The following KCNAB1 variants were observed in gnomAD, a reference collection of about 807,000 sequenced individuals.
The protein encoded by KCNAB1 is voltage-gated potassium channel subunit beta-1.
KCNAB1 carries 35 observed loss-of-function variants against 64.6 expected under a neutral mutation model. The ratio of observed to expected loss-of-function variants is 0.54; its 90% CI spans 0.41 to 0.72. The LOEUF (loss-of-function observed/expected upper bound fraction) is 0.72. KCNAB1 is among the 30% of genes least tolerant of loss of function. KCNAB1 has a pLI of 0.00. For missense variants in KCNAB1, 401 were observed against 512.9 expected (o/e 0.78, Z 2.11); for synonymous variants, 177 against 183.8 (o/e 0.96, Z 0.30).
intron 7 of KCNAB1, among the ~76,000 whole-genome samples, chr3:156,466,846 A>AT (rs952930744): frequency 5.3e-5 from 8 of 152,032 alleles, no homozygotes; most frequent in Non-Finnish European, 1.0e-4. Context: ...AGTAATTTTT[A>AT]TTTCTTGCTT....
intron 8 of KCNAB1, among the ~76,000 whole-genome samples, chr3:156,492,887 C>T (rs896627084): frequency 3.9e-5 from 6 of 152,176 alleles, no homozygotes; most frequent in Admixed American, 6.5e-5. Flanking sequence ...TGCACAGCTA[C>T]GTAAGTTGGA....
chr3:156,367,171 C>CTTT (rs9331286), intron 1 of KCNAB1, among the ~76,000 whole-genome samples: 6 of 118,416 alleles, frequency 5.1e-5, no homozygotes, highest in Non-Finnish European at 5.0e-5. Context: ...AGTAATCTAC[C>CTTT]TTTTTTTTTT....
intron 1 of KCNAB1, among the ~76,000 whole-genome samples, chr3:156,351,623 G>A (rs146869701): frequency 0.02 from 3,007 of 152,338 alleles, 40 homozygotes; most frequent in Middle Eastern, 0.037. Flanking sequence ...GGGATAGTGG[G>A]TTCTGGCAGA....
chr3:156,122,326 A>T (rs952907921), intron 1 of KCNAB1, among the ~76,000 whole-genome samples: 3 of 152,212 alleles, frequency 2.0e-5, no homozygotes, highest in Non-Finnish European at 4.4e-5. Flanking sequence ...TGGCAAAGGA[A>T]AGCATTGAAA....
In KCNAB1 at chr3:156,276,069, A is replaced by C. The variant is rs574774534; in HGVS notation, c.276-145547A>C. 3.9e-5 allele frequency among the ~76,000 whole-genome samples: 6 copies of C among 152,278 alleles called. No homozygotes were observed. In the East Asian group the frequency reaches 1.2e-3, roughly 29 times the overall value. Reference sequence around the variant, plus strand: ...TGTATTTCCTAAATAATAAGACTTGAAAGTGAAAATTACTCCTTAATCCAT... The same window carrying C: ...TGTATTTCCTAAATAATAAGACTTGCAAGTGAAAATTACTCCTTAATCCAT... On this transcript the variant is annotated intron_variant, in intron 1 of 13. Transcript: ENST00000490337.
intron 1 of KCNAB1, among the ~76,000 whole-genome samples, chr3:156,316,696 G>C (rs935327461): frequency 6.6e-6 from 1 of 152,224 alleles, no homozygotes; most frequent in African/African-American, 2.4e-5. Flanking sequence ...GGTGGTGCCT[G>C]TGGAAGAGGG....
At chr3:156,350,659 C>A (rs1263255223) in intron 1 of KCNAB1, among the ~76,000 whole-genome samples, 12 of 152,156 alleles carry the variant, frequency 7.9e-5, no homozygotes, top group Non-Finnish European at 1.6e-4. Flanking sequence ...TAAATTGCTT[C>A]ATAACCTTTG....
intron 1 of KCNAB1, among the ~76,000 whole-genome samples, chr3:156,236,862 T>C (rs1166234135): frequency 6.6e-6 from 1 of 152,156 alleles, no homozygotes; most frequent in Non-Finnish European, 1.5e-5. Flanking sequence ...TTCTAGCTTT[T>C]ATAGTTAGGC....
At chr3:156,315,895 G>C (rs1370666372) in intron 1 of KCNAB1, among the ~76,000 whole-genome samples, 2 of 152,072 alleles carry the variant, frequency 1.3e-5, no homozygotes, top group African/African-American at 4.8e-5. Flanking sequence ...TGAAATATGG[G>C]AAAATAATAG....
At chr3:156,232,623 T>G (rs931989303) in intron 1 of KCNAB1, among the ~76,000 whole-genome samples, 19 of 152,270 alleles carry the variant, frequency 1.2e-4, no homozygotes, top group African/African-American at 4.6e-4. Flanking sequence ...TCTTCCTATC[T>G]TTGTGGATGT....
intron 3 of KCNAB1, chr3:156,457,005 C>A: frequency 6.2e-6 from 1 of 161,538 alleles, no homozygotes; most frequent in Non-Finnish European, 1.3e-5. Context: ...ACAGTCACAG[C>A]TCTGTCTCAG....
rs3085726 is a variant in KCNAB1 at position 156,537,240 on chromosome 3, C to CAA, written c.*504_*505dup. On this transcript the variant is annotated 3_prime_UTR_variant, in exon 14 of 14. Coordinates refer to ENST00000490337, the MANE Select transcript of KCNAB1 (RefSeq NM_172160.3). The stretch of plus-strand genomic sequence containing the variant: ...TAGTTATTAAAAATATATCTCACTG[C>CAA]AAAAAAAAAAAAGCAGTATCTTCAC... 3.0e-3 allele frequency: 1,049 copies of CAA among 349,882 alleles called. 1 individual carries two copies. The highest frequency in any genetic ancestry group is 0.023 in the East Asian group (523 of 22,678). 21.7% of individuals were successfully genotyped at this position (349,882 alleles called of 1,614,324 possible).
At position 156,160,990 on chromosome 3, in the gene KCNAB1, A is replaced by C. The variant is rs113251738; in HGVS notation, c.275+40104A>C. On this transcript the variant is annotated intron_variant, in intron 1 of 13. Coordinates refer to ENST00000490337, the MANE Select transcript of KCNAB1 (RefSeq NM_172160.3). ...ATGCTTCTACAGAATCACTTAAATC[A>C]TCCTCTTATTCTCATTCACATGAAA... Among the ~76,000 whole-genome samples the C allele has an allele frequency of 1.7e-4, 26 of 152,340 alleles. 1 individual carries two copies. The highest frequency in any genetic ancestry group is 6.3e-4 in the African/African-American group (26 of 41,578).
intron 1 of KCNAB1, chr3:156,143,474 T>A: frequency 8.0e-7 from 1 of 1,245,998 alleles, no homozygotes; most frequent in Non-Finnish European, 1.1e-6. Context: ...TGTCAAAGGT[T>A]GTTATTAAAG....
At chr3:156,520,976 C>G (rs1717906030) in intron 11 of KCNAB1, among the ~76,000 whole-genome samples, 1 of 152,178 alleles carries the variant, frequency 6.6e-6, no homozygotes, top group South Asian at 2.1e-4. Flanking sequence ...GTCTCACAGA[C>G]TATTCTTACC....
chr3:156,186,762 T>C (rs6770125), intron 1 of KCNAB1, among the ~76,000 whole-genome samples: 2 of 151,990 alleles, frequency 1.3e-5, no homozygotes, highest in Non-Finnish European at 2.9e-5. Context: ...TTTCAGGCCT[T>C]GCTCTCCTTG....
At chr3:156,532,499 A>G (rs192063697) in intron 13 of KCNAB1, among the ~76,000 whole-genome samples, 1,764 of 152,268 alleles carry the variant, frequency 0.012, 13 homozygotes, top group Non-Finnish European at 0.014. Flanking sequence ...TTCCCTATCT[A>G]CCTGTCCCTG....
Position 156,536,722 on chromosome 3 carries a change from A to G in KCNAB1, c.1235A>G (p.Tyr412Cys). The G allele has an allele frequency of 6.2e-7, 1 of 1,612,308 alleles. No homozygotes were observed. Among genetic ancestry groups the G allele is most frequent in the Non-Finnish European group, 8.5e-7 (1 of 1,178,320 alleles). ...GATAACATACTGCGCAACAAGCCCT[A>G]CAGCAAGAAGGACTATAGATCATAA... Reference protein sequence around the residue: ...EIDNILRNKPYSKKDYRS With the variant: ...EIDNILRNKPCSKKDYRS Residue 412 changes from tyrosine (Y) to cysteine (C), a missense_variant, in exon 14 of 14, where the codon TAC becomes TGC. Coordinates refer to ENST00000490337, the MANE Select transcript of KCNAB1 (RefSeq NM_172160.3).
In KCNAB1 at chr3:156,171,220, C is replaced by CACACACACAT. The variant is rs1553812736; in HGVS notation, c.275+50340_275+50341insACATACACAC. 5.9e-5 allele frequency among the ~76,000 whole-genome samples: 9 copies of CACACACACAT among 151,966 alleles called. 1 individual carries two copies. The highest frequency in any genetic ancestry group is 2.2e-4 in the African/African-American group (9 of 41,380). ...ACACACACACACACACACACACACA[C>CACACACACAT]ACACACTGAAATCAGTTCCCATTTA... On this transcript the variant is annotated intron_variant, in intron 1 of 13. Transcript: ENST00000490337.
Sources: gnomAD v4.1 joint callset for allele counts (sites outside exome capture counted in the v4.1 genomes callset) on GRCh38, gnomAD v4.1.1 for gene constraint, MANE v1.5 for transcripts, NCBI Gene and HGNC (gene_info 2026-07-23, HGNC 2026-07-21) for gene names.